AGGF1: variants seen among roughly 807,000 people sequenced by gnomAD.
AGGF1 encodes angiogenic factor with G patch and FHA domains 1.
In AGGF1, 56 loss-of-function variants were observed where a neutral mutation model predicts 86.5. The ratio of observed to expected loss-of-function variants is 0.65; its 90% confidence interval spans 0.52 to 0.81. AGGF1 has a LOEUF of 0.81. Ranked by LOEUF, AGGF1 falls within the 30% of genes least tolerant of loss-of-function variation. The probability of loss-of-function intolerance (pLI) is 0.00; values close to 1 mark genes in which losing one functional copy is unlikely to be tolerated. For synonymous variants in AGGF1, 313 were observed against 297.1 expected (o/e 1.05, Z -0.55); for missense variants, 816 against 850.9 (o/e 0.96, Z 0.51).
At chr5:77,047,117 AAC>A (rs1433550579) in intron 6 of AGGF1, among the ~76,000 whole-genome samples, 1 of 152,214 alleles carries the variant, frequency 6.6e-6, no homozygotes, top group African/African-American at 2.4e-5. Flanking sequence ...ATACTTTTAA[AAC>A]ACAGGATTTC....
At chr5:77,033,149 C>A (rs990119845) in intron 1 of AGGF1, among the ~76,000 whole-genome samples, 4 of 152,148 alleles carry the variant, frequency 2.6e-5, no homozygotes, top group African/African-American at 7.2e-5. Flanking sequence ...GTCAGCCTCC[C>A]TTGGTTGGGG....
chr5:77,037,900 A>C (rs1296561810), intron 4 of AGGF1, among the ~76,000 whole-genome samples: 1 of 152,214 alleles, frequency 6.6e-6, no homozygotes, highest in Non-Finnish European at 1.5e-5. Context: ...TTTATAATAC[A>C]GTGTTATAGC....
At chr5:77,033,173 G>A (rs1280610730) in intron 1 of AGGF1, among the ~76,000 whole-genome samples, 2 of 152,156 alleles carry the variant, frequency 1.3e-5, no homozygotes, top group African/African-American at 4.8e-5. Context: ...GGGTGGATTC[G>A]ATTAACTGTC....
chr5:77,061,661 A>C (rs761691080), intron 12 of AGGF1, 42 bp from the exon 13 acceptor site: 2 of 1,548,718 alleles, frequency 1.3e-6, no homozygotes, highest in African/African-American at 2.7e-5. Context: ...GTGACCTAAA[A>C]GATCTTTTAT....
chr5:77,058,636 C>G (rs1019193269), intron 11 of AGGF1, among the ~76,000 whole-genome samples: 4 of 152,138 alleles, frequency 2.6e-5, no homozygotes, highest in Non-Finnish European at 5.9e-5. Context: ...TATTTTTCTT[C>G]TCTTTTTAAA....
intron 1 of AGGF1, 92 bp from the exon 2 acceptor site, chr5:77,034,326 C>G: frequency 1.2e-6 from 1 of 834,274 alleles, no homozygotes; most frequent in South Asian, 1.5e-5. Flanking sequence ...TGACATTTCT[C>G]TAAAACAATT....
intron 11 of AGGF1, among the ~76,000 whole-genome samples, chr5:77,056,733 C>T (rs949446643): frequency 6.6e-6 from 1 of 151,938 alleles, no homozygotes; most frequent in African/African-American, 2.4e-5. Context: ...ACACCAAAAG[C>T]ACAATCCTTA....
At chr5:77,043,835 C>A (rs1164460126) in intron 5 of AGGF1, among the ~76,000 whole-genome samples, 1 of 123,204 alleles carries the variant, frequency 8.1e-6, no homozygotes, top group Non-Finnish European at 1.8e-5. Context: ...GGGTGGTTGC[C>A]AGGCAGAGGG....
At chr5:77,044,213 G>A (rs975170633) in intron 5 of AGGF1, among the ~76,000 whole-genome samples, 2 of 150,286 alleles carry the variant, frequency 1.3e-5, no homozygotes, top group Non-Finnish European at 3.0e-5. Context: ...CGGCACTTTG[G>A]GAGGCCAGGG....
At chr5:77,043,371 C>T (rs868030980) in intron 5 of AGGF1, among the ~76,000 whole-genome samples, 2 of 58,026 alleles carry the variant, frequency 3.4e-5, no homozygotes, top group Non-Finnish European at 7.2e-5. Flanking sequence ...GACCCCCCCA[C>T]CTCCCTCCCG....
chr5:77,057,888 A>G (rs890806839), intron 11 of AGGF1, among the ~76,000 whole-genome samples: 2 of 152,220 alleles, frequency 1.3e-5, no homozygotes, highest in African/African-American at 4.8e-5. Flanking sequence ...AGGATGTTGC[A>G]TTCCCAGCAC....
chr5:77,033,983 A>G (rs1035744256), intron 1 of AGGF1, among the ~76,000 whole-genome samples: 2 of 152,232 alleles, frequency 1.3e-5, no homozygotes, highest in African/African-American at 4.8e-5. Flanking sequence ...TAATGAAAAA[A>G]TGTATTAAAG....
At chr5:77,053,423 G>A (rs1747409143) in intron 9 of AGGF1, among the ~76,000 whole-genome samples, 1 of 152,204 alleles carries the variant, frequency 6.6e-6, no homozygotes, top group Admixed American at 6.5e-5. Flanking sequence ...GGATGCTGAG[G>A]CAGGAGAATC....
intron 1 of AGGF1, among the ~76,000 whole-genome samples, chr5:77,031,457 A>G (rs1413227718): frequency 2.0e-5 from 3 of 152,224 alleles, no homozygotes; most frequent in East Asian, 1.9e-4. Flanking sequence ...TACCTGTTTA[A>G]GGTTGCTCTT....
intron 12 of AGGF1, among the ~76,000 whole-genome samples, chr5:77,061,148 G>A (rs78729217): frequency 0.029 from 4,376 of 152,164 alleles, 93 homozygotes; most frequent in Non-Finnish European, 0.047. Context: ...TTAACATATT[G>A]CAGAATACAC....
At chr5:77,032,615 C>G (rs1323663332) in intron 1 of AGGF1, among the ~76,000 whole-genome samples, 1 of 150,126 alleles carries the variant, frequency 6.7e-6, no homozygotes, top group African/African-American at 2.5e-5. Flanking sequence ...ATATAACAGC[C>G]TTTTTTACAT....
chr5:77,033,489 G>A (rs1189264378), intron 1 of AGGF1, among the ~76,000 whole-genome samples: 1 of 152,152 alleles, frequency 6.6e-6, no homozygotes, highest in African/African-American at 2.4e-5. Flanking sequence ...TTAGGGCAAG[G>A]CAATCAGGCT....
chr5:77,048,293 A>G (rs539878212), intron 7 of AGGF1, 21 bp downstream of exon 7: 1 of 1,489,092 alleles, frequency 6.7e-7, no homozygotes, highest in South Asian at 1.1e-5. Context: ...TAATATTATT[A>G]TATCATTCTT....
At chr5:77,036,469 A>G (rs1746969033) in intron 3 of AGGF1, 87 bp from the exon 4 acceptor site, 1 of 1,351,756 alleles carries the variant, frequency 7.4e-7, no homozygotes, top group Non-Finnish European at 1.1e-6. Flanking sequence ...CGTTACTTAA[A>G]CATAGTCTCA....
Sources: gnomAD v4.1 joint callset for allele counts (sites outside exome capture counted in the v4.1 genomes callset) on GRCh38, gnomAD v4.1.1 for gene constraint, MANE v1.5 for transcripts, NCBI Gene and HGNC (gene_info 2026-07-23, HGNC 2026-07-21) for gene names.